The following CSMD1 variants were observed in gnomAD, a reference collection of about 807,000 sequenced individuals.
The protein encoded by CSMD1 is CUB and Sushi multiple domains 1.
In CSMD1, 213 loss-of-function variants were observed where a neutral mutation model predicts 417.5. The observed-to-expected ratio is 0.51, with a 90% CI of 0.46 to 0.57. The LOEUF (loss-of-function observed/expected upper bound fraction) is 0.57, where lower values mean the gene tolerates loss of function less well. CSMD1 is among the 20% of genes least tolerant of loss of function. The probability of loss-of-function intolerance (pLI) is 0.00; values close to 1 mark genes in which losing one functional copy is unlikely to be tolerated. For missense variants in CSMD1, 6,923 were observed against 4,529.7 expected, an observed-to-expected ratio of 1.53 and a Z score of -15.17; for synonymous variants, 2,862 against 1,736.8, an observed-to-expected ratio of 1.65 and a Z score of -16.11.
At chr8:3,977,267 T>C (rs1322197936) in intron 5 of CSMD1, among the ~76,000 whole-genome samples, 1 of 152,164 alleles carries the variant, frequency 6.6e-6, no homozygotes, top group African/African-American at 2.4e-5. Flanking sequence ...TCCCACACTA[T>C]GATCCAAGGA....
chr8:4,985,881 G>A (rs1281940711), intron 1 of CSMD1, among the ~76,000 whole-genome samples: 1 of 152,128 alleles, frequency 6.6e-6, no homozygotes, highest in Non-Finnish European at 1.5e-5. Context: ...GAAGAAAGGG[G>A]AAAAGAGACA....
chr8:3,288,956 C>G (rs1236633435), intron 25 of CSMD1, among the ~76,000 whole-genome samples: 1 of 146,802 alleles, frequency 6.8e-6, no homozygotes, highest in African/African-American at 2.7e-5. Flanking sequence ...AGGTATATCT[C>G]CTAATGCTAT....
intron 2 of CSMD1, among the ~76,000 whole-genome samples, chr8:4,547,833 A>G (rs1299048578): frequency 1.3e-5 from 2 of 152,352 alleles, no homozygotes; most frequent in East Asian, 3.9e-4. Context: ...AAGAATGGTT[A>G]GGTTTTGTTG....
intron 37 of CSMD1, among the ~76,000 whole-genome samples, chr8:3,179,068 C>G (rs1327000043): frequency 6.6e-6 from 1 of 151,614 alleles, no homozygotes; most frequent in African/African-American, 2.4e-5. Context: ...CTGCCTCAGC[C>G]TCCTGAGCAG....
chr8:4,202,103 G>C (rs76622198), intron 3 of CSMD1, among the ~76,000 whole-genome samples: 2 of 140,912 alleles, frequency 1.4e-5, no homozygotes, highest in African/African-American at 2.6e-5. Flanking sequence ...TTGTTTTTTT[G>C]TTAGTTTTTT....
At chr8:3,142,027 G>A (rs1372797018) in intron 41 of CSMD1, among the ~76,000 whole-genome samples, 1 of 152,058 alleles carries the variant, frequency 6.6e-6, no homozygotes, top group Non-Finnish European at 1.5e-5. Context: ...TCGATCTCCT[G>A]ACCTCGTGAT....
chr8:3,976,873 C>G (rs532441238), intron 5 of CSMD1, among the ~76,000 whole-genome samples: 4 of 152,170 alleles, frequency 2.6e-5, no homozygotes, highest in African/African-American at 9.7e-5. Context: ...AGCACTAGCA[C>G]TGAGATGTGT....
chr8:4,372,488 C>CA (rs1301672012), intron 3 of CSMD1, among the ~76,000 whole-genome samples: 1 of 146,544 alleles, frequency 6.8e-6, no homozygotes, highest in African/African-American at 2.6e-5. Context: ...CTTAAAACAA[C>CA]AACAACAAAA....
chr8:3,532,996 A>G (rs1798043475), intron 10 of CSMD1, among the ~76,000 whole-genome samples: 1 of 152,172 alleles, frequency 6.6e-6, no homozygotes, highest in African/African-American at 2.4e-5. Flanking sequence ...ATTCCCTTCT[A>G]CTCATAACAA....
intron 51 of CSMD1, among the ~76,000 whole-genome samples, chr8:3,026,601 G>A (rs547706317): frequency 7.9e-5 from 12 of 152,122 alleles, no homozygotes; most frequent in South Asian, 2.1e-4. Flanking sequence ...GGGCCTCACT[G>A]GACCTCACTG....
chr8:3,216,360 T>C (rs1797880787), intron 29 of CSMD1, among the ~76,000 whole-genome samples: 1 of 152,214 alleles, frequency 6.6e-6, no homozygotes, highest in South Asian at 2.1e-4. Flanking sequence ...GTACTGAGGA[T>C]CTAGTGAATA....
At chr8:3,741,315 A>T (rs1412551103) in intron 6 of CSMD1, among the ~76,000 whole-genome samples, 1 of 151,736 alleles carries the variant, frequency 6.6e-6, no homozygotes, top group African/African-American at 2.4e-5. Context: ...TAAATGTTTA[A>T]AGAGGTTTGC....
chr8:3,043,624 G>C (rs908199026), intron 50 of CSMD1: 27 of 152,032 alleles, frequency 1.8e-4, no homozygotes, highest in African/African-American at 5.6e-4. Context: ...TTTAGCTAAA[G>C]AAACAATACC....
chr8:4,097,787 G>C (rs535569314), intron 3 of CSMD1, among the ~76,000 whole-genome samples: 1 of 152,290 alleles, frequency 6.6e-6, no homozygotes, highest in South Asian at 2.1e-4. Flanking sequence ...ATTAGTTTTA[G>C]CATGATTACA....
At chr8:3,491,217 G>C (rs1034087921) in intron 11 of CSMD1, among the ~76,000 whole-genome samples, 8 of 152,148 alleles carry the variant, frequency 5.3e-5, no homozygotes, top group African/African-American at 1.9e-4. Flanking sequence ...AGGCGATAAA[G>C]ACTCAAGATC....
intron 2 of CSMD1, among the ~76,000 whole-genome samples, chr8:4,539,469 A>G (rs1431979627): frequency 6.6e-6 from 1 of 152,166 alleles, no homozygotes; most frequent in Non-Finnish European, 1.5e-5. Flanking sequence ...AATTGTGTGA[A>G]AAAAATATAA....
intron 6 of CSMD1, among the ~76,000 whole-genome samples, chr8:3,737,165 A>G (rs1167682880): frequency 1.3e-5 from 2 of 152,360 alleles, no homozygotes; most frequent in Admixed American, 1.3e-4. Context: ...AGTTTAATAA[A>G]AATTGCATTT....
chr8:4,142,972 C>G, intron 3 of CSMD1, among the ~76,000 whole-genome samples: 1 of 146,086 alleles, frequency 6.8e-6, no homozygotes, highest in East Asian at 2.0e-4. Context: ...CTATCAGATG[C>G]TTAGTTTTCA....
chr8:4,469,072 G>A (rs1051969004), intron 2 of CSMD1, among the ~76,000 whole-genome samples: 1 of 152,168 alleles, frequency 6.6e-6, no homozygotes. Context: ...GAGCACAATT[G>A]TGTCTTACAC....
Sources: gnomAD v4.1 joint callset for allele counts (sites outside exome capture counted in the v4.1 genomes callset) on GRCh38, gnomAD v4.1.1 for gene constraint, MANE v1.5 for transcripts, NCBI Gene and HGNC (gene_info 2026-07-23, HGNC 2026-07-21) for gene names.